The following TMEM150C variants were observed in gnomAD, a reference collection of about 807,000 sequenced individuals.
TMEM150C encodes tentonin 3.
A neutral mutation model predicts 29.9 loss-of-function variants in TMEM150C; 10 were observed. That is an observed-to-expected ratio of 0.33 (90% confidence interval 0.21 to 0.57). The LOEUF is 0.57. Ranked by LOEUF, TMEM150C falls within the 20% of genes least tolerant of loss-of-function variation. The pLI, the probability that TMEM150C is intolerant of heterozygous loss-of-function variation, is 0.88. For synonymous variants in TMEM150C, 101 were observed against 112.5 expected, an observed-to-expected ratio of 0.90 and a Z score of 0.64; for missense variants, 251 against 303.6, an observed-to-expected ratio of 0.83 and a Z score of 1.29.
Position 82,539,414 on chromosome 4 carries a change from G to A in TMEM150C, c.-11+22492C>T, listed in dbSNP as rs149805560. ...TGATTAAAATATTATTGGAATTAAT[G>A]AGTGTTCATATAATGAATTGGATAA... On this transcript the variant is annotated intron_variant, in intron 1 of 7. Coordinates refer to ENST00000449862, the MANE Select transcript of TMEM150C (RefSeq NM_001080506.3). Among the ~76,000 whole-genome samples, 317 of 152,094 alleles carry A rather than the reference G, an allele frequency of 2.1e-3. 2 individuals carry two copies. The highest frequency in any genetic ancestry group is 7.2e-3 in the African/African-American group (300 of 41,454).
intron 1 of TMEM150C, among the ~76,000 whole-genome samples, chr4:82,556,242 T>C (rs1004041862): frequency 4.6e-5 from 7 of 152,108 alleles, no homozygotes; most frequent in Non-Finnish European, 1.0e-4. Context: ...CCTCCCAGAG[T>C]GTTGGGATTA....
At chr4:82,498,429 A>G (rs2110066995) in intron 5 of TMEM150C, among the ~76,000 whole-genome samples, 1 of 152,294 alleles carries the variant, frequency 6.6e-6, no homozygotes, top group South Asian at 2.1e-4. Context: ...AGCTGGGACT[A>G]CAGGTGCACG....
intron 1 of TMEM150C, among the ~76,000 whole-genome samples, chr4:82,524,932 G>T (rs997109778): frequency 1.3e-5 from 2 of 152,182 alleles, no homozygotes; most frequent in Non-Finnish European, 2.9e-5. Flanking sequence ...CAGAAACACG[G>T]TGTGATTACA....
intron 6 of TMEM150C, among the ~76,000 whole-genome samples, chr4:82,493,842 C>T (rs1051861663): frequency 6.6e-6 from 1 of 152,154 alleles, no homozygotes; most frequent in Admixed American, 6.5e-5. Flanking sequence ...CCAATATATT[C>T]TAAGAATGCA....
intron 1 of TMEM150C, among the ~76,000 whole-genome samples, chr4:82,536,956 A>T (rs976460567): frequency 6.6e-6 from 1 of 152,292 alleles, no homozygotes; most frequent in Admixed American, 6.5e-5. Flanking sequence ...TAAGTGCACA[A>T]AAATTTTGTT....
chr4:82,501,096 T>TAAATGC (rs368191109), intron 5 of TMEM150C, among the ~76,000 whole-genome samples: 28 of 152,390 alleles, frequency 1.8e-4, no homozygotes, highest in East Asian at 3.8e-4. Flanking sequence ...TGTGCTCTGT[T>TAAATGC]AAATGCAAAT....
intron 6 of TMEM150C, chr4:82,494,900 C>A: frequency 1.9e-6 from 1 of 537,154 alleles, no homozygotes. Context: ...TGCGTCTCTT[C>A]ACAACTTGTT....
chr4:82,503,897 A>C (rs7655329), intron 2 of TMEM150C, among the ~76,000 whole-genome samples: 1 of 152,138 alleles, frequency 6.6e-6, no homozygotes, highest in Non-Finnish European at 1.5e-5. Context: ...TATCAGACCC[A>C]ATCATGAATA....
chr4:82,496,324 C>T lies in TMEM150C; in HGVS notation c.236-129G>A, dbSNP rs6834623. The T allele has an allele frequency of 6.1e-4, 554 of 904,880 alleles. 2 individuals are homozygous for T. The African/African-American group carries it at 7.5e-3, about 12-fold the overall frequency. The allele number at this position is 904,880 out of a possible 1,614,324, so 56.1% of individuals were successfully genotyped here. A position where few individuals can be genotyped will look rare whatever the true frequency, so the allele number is the denominator to read the frequency against. ...TAGGTAAGAGGCAGAATTCTAAAGC[C>T]GCAATGTGCAAAATTAAACTTTTCA... On this transcript the variant is annotated intron_variant, in intron 5 of 7. Transcript: ENST00000449862.
chr4:82,559,512 G>A (rs1437478483), intron 1 of TMEM150C, among the ~76,000 whole-genome samples: 2 of 152,154 alleles, frequency 1.3e-5, no homozygotes, highest in Non-Finnish European at 2.9e-5. Context: ...CTGAGATTGT[G>A]CCACTGCACT....
chr4:82,539,459 C>CT (rs34120699), intron 1 of TMEM150C, among the ~76,000 whole-genome samples: 2,057 of 147,438 alleles, frequency 0.014, 22 homozygotes, highest in South Asian at 0.036. Context: ...ATCCAAACAA[C>CT]TTTTTTTTTT....
In TMEM150C at chr4:82,523,173, G is replaced by A. The variant is rs1047526241; in HGVS notation, c.-10-18506C>T. Reference sequence around the variant, plus strand: ...GTGGTTTTAAGGAGTTTAATAGGCCGGAAAGAAAAGAGAAAGGCAGAAGGA... The same window carrying A: ...GTGGTTTTAAGGAGTTTAATAGGCCAGAAAGAAAAGAGAAAGGCAGAAGGA... On this transcript the variant is annotated intron_variant, in intron 1 of 7. Transcript: ENST00000449862. Among the ~76,000 whole-genome samples the A allele has an allele frequency of 1.3e-4, 20 of 152,012 alleles. 1 individual carries two copies. Among genetic ancestry groups the A allele is most frequent in the Admixed American group, 3.3e-4 (5 of 15,256 alleles).
intron 6 of TMEM150C, among the ~76,000 whole-genome samples, chr4:82,492,843 A>C (rs1723407216): frequency 8.4e-6 from 1 of 119,180 alleles, no homozygotes; most frequent in African/African-American, 3.3e-5. Context: ...CATCTTCATC[A>C]AACCTAGCGT....
intron 1 of TMEM150C, among the ~76,000 whole-genome samples, chr4:82,552,240 C>A (rs1362444630): frequency 6.6e-6 from 1 of 152,194 alleles, no homozygotes; most frequent in Non-Finnish European, 1.5e-5. Context: ...ACCCACTACC[C>A]TCGGGTATTC....
intron 1 of TMEM150C, among the ~76,000 whole-genome samples, chr4:82,530,540 A>G (rs1724809420): frequency 6.6e-6 from 1 of 152,088 alleles, no homozygotes; most frequent in South Asian, 2.1e-4. Flanking sequence ...CTGGATGACA[A>G]AGCGAGACTC....
At chr4:82,495,464 T>C in intron 6 of TMEM150C, 1 of 357,466 alleles carries the variant, frequency 2.8e-6, no homozygotes, top group Non-Finnish European at 5.4e-6. Context: ...TTGCGGATTC[T>C]GCTAGCTCTT....
Position 82,511,511 on chromosome 4 carries a change from G to C in TMEM150C, c.-10-6844C>G, listed in dbSNP as rs999212010. On this transcript the variant is annotated intron_variant, in intron 1 of 7. Transcript: ENST00000449862. Reference sequence around the variant, plus strand: ...TTTTTTTGAGATAGGGTTTCACTCTGTCACTCAGGCTGGAGTGCAGTGGCA... The same window carrying C: ...TTTTTTTGAGATAGGGTTTCACTCTCTCACTCAGGCTGGAGTGCAGTGGCA... Among the ~76,000 whole-genome samples the C allele has an allele frequency of 1.4e-4, 15 of 107,752 alleles. No homozygotes were observed. The South Asian group carries it at 2.5e-3, about 18-fold the overall frequency. The allele number at this position is 107,752 out of a possible 152,430, so 70.7% of individuals were successfully genotyped here. A position where few individuals can be genotyped will look rare whatever the true frequency, so the allele number is the denominator to read the frequency against.
rs1343503434 is a variant in TMEM150C at position 82,525,882 on chromosome 4, GA to G, written c.-10-21216del. On this transcript the variant is annotated intron_variant, in intron 1 of 7. Transcript: ENST00000449862. ...TGCAAAGCCCATTTCTTAGGCAAAA[GA>G]AAAAAAAAAACATTTTCTTTTGTTT... is the stretch of plus-strand genomic sequence containing the variant. Among the ~76,000 whole-genome samples the G allele has an allele frequency of 9.4e-3, 1,361 of 144,580 alleles. 10 individuals carry two copies. The highest frequency in any genetic ancestry group is 0.014 in the Non-Finnish European group (948 of 65,562). The allele number at this position is 144,580 out of a possible 152,430, so 94.9% of individuals were successfully genotyped here.
intron 1 of TMEM150C, among the ~76,000 whole-genome samples, chr4:82,523,395 C>T (rs1261570217): frequency 2.0e-5 from 3 of 152,154 alleles, no homozygotes; most frequent in South Asian, 2.1e-4. Flanking sequence ...GAAAGCTGGC[C>T]CTCTCATCCC....
Sources: allele counts gnomAD v4.1 joint callset (sites outside exome capture counted in the v4.1 genomes callset), GRCh38; gene constraint gnomAD v4.1.1; transcripts MANE v1.5; gene names NCBI Gene and HGNC (gene_info 2026-07-23, HGNC 2026-07-21).